The following XPNPEP1 variants were observed in gnomAD, a reference collection of about 807,000 sequenced individuals.
XPNPEP1 encodes xaa-Pro aminopeptidase 1.
In XPNPEP1, 39 loss-of-function variants were observed where a neutral mutation model predicts 92.4. The ratio of observed to expected loss-of-function variants is 0.42; its 90% CI spans 0.33 to 0.55. The LOEUF (loss-of-function observed/expected upper bound fraction) is 0.55. Among genes scored for constraint, XPNPEP1 ranks in the 20% least tolerant of loss-of-function variants. The pLI is 0.08. For synonymous variants in XPNPEP1, 307 were observed against 299.4 expected (o/e 1.03, Z -0.26); for missense variants, 654 against 856.1 (o/e 0.76, Z 2.95).
At chr10:109,911,267 T>C (rs1190775316) in intron 2 of XPNPEP1, among the ~76,000 whole-genome samples, 2 of 152,232 alleles carry the variant, frequency 1.3e-5, no homozygotes, top group African/African-American at 4.8e-5. Context: ...CTTCTGAATA[T>C]TGTTCAGAGG....
In XPNPEP1 at chr10:109,867,709, G is replaced by A. The variant is rs982952368; in HGVS notation, c.1872+905C>T. The stretch of plus-strand genomic sequence containing the variant: ...GAGAGGCACTCAAAGGCCATTGGCT[G>A]CCTCAGATAACAAAATATTCTTATT... On this transcript the variant is annotated intron_variant, in intron 20 of 20. Coordinates refer to ENST00000502935, the MANE Select transcript of XPNPEP1 (RefSeq NM_020383.4). The surrounding 1 kb of genome is among the most constrained non-coding windows in gnomAD (Gnocchi z 4.5). 3.3e-5 allele frequency among the ~76,000 whole-genome samples: 5 copies of A among 152,228 alleles called. No individual in the cohort carries two copies. The highest frequency in any genetic ancestry group is 1.2e-4 in the African/African-American group (5 of 41,456).
At chr10:109,886,127 G>A (rs553568246) in intron 8 of XPNPEP1, 119 bp downstream of exon 8, 5 of 965,188 alleles carry the variant, frequency 5.2e-6, no homozygotes, top group South Asian at 3.0e-5. Context: ...ATTTGGTGAC[G>A]TAGTCTTCTT....
At chr10:109,893,134 C>A in intron 3 of XPNPEP1, 59 bp from the exon 4 acceptor site, 2 of 1,518,390 alleles carry the variant, frequency 1.3e-6, no homozygotes, top group South Asian at 1.2e-5. Context: ...GACTGTTCTG[C>A]CTGCTTAGCC....
intron 1 of XPNPEP1, among the ~76,000 whole-genome samples, chr10:109,920,404 A>G (rs1159846659): frequency 2.0e-5 from 3 of 152,262 alleles, no homozygotes; most frequent in African/African-American, 7.2e-5. Flanking sequence ...TATAAATTTT[A>G]TAACATCTCT....
intron 5 of XPNPEP1, among the ~76,000 whole-genome samples, chr10:109,888,888 C>T (rs938258035): frequency 3.3e-5 from 5 of 152,206 alleles, no homozygotes; most frequent in Admixed American, 6.5e-5. Context: ...ATCACTGCCA[C>T]GTACACACAT....
intron 1 of XPNPEP1, among the ~76,000 whole-genome samples, chr10:109,920,290 G>T (rs1215886769): frequency 6.6e-6 from 1 of 152,170 alleles, no homozygotes; most frequent in Non-Finnish European, 1.5e-5. Flanking sequence ...GTTCTAAAAT[G>T]ATTGTGATGA....
intron 7 of XPNPEP1, among the ~76,000 whole-genome samples, chr10:109,886,585 A>G (rs1442894337): frequency 1.3e-5 from 2 of 152,224 alleles, no homozygotes; most frequent in Admixed American, 6.5e-5. Context: ...ATGCCTGTGT[A>G]ACATCTAGAT....
chr10:109,889,710 T>C (rs1034164710), intron 5 of XPNPEP1, among the ~76,000 whole-genome samples: 2 of 152,376 alleles, frequency 1.3e-5, no homozygotes, highest in African/African-American at 4.8e-5. Context: ...AATTAACATC[T>C]TGATAAAATA....
At chr10:109,870,575 T>C (rs1469550231) in intron 18 of XPNPEP1, among the ~76,000 whole-genome samples, 156 bp downstream of exon 18, 1 of 152,244 alleles carries the variant, frequency 6.6e-6, no homozygotes, top group Non-Finnish European at 1.5e-5. Flanking sequence ...TCATTTTTTC[T>C]AAAATGAACA....
chr10:109,918,915 GGA>G (rs1324754706), intron 1 of XPNPEP1, among the ~76,000 whole-genome samples: 1 of 124,952 alleles, frequency 8.0e-6, no homozygotes, highest in Non-Finnish European at 1.6e-5. Flanking sequence ...AAGGAAGGAA[GGA>G]GAGAGAGAAA....
intron 17 of XPNPEP1, among the ~76,000 whole-genome samples, chr10:109,871,432 G>A (rs1322622946): frequency 6.6e-6 from 1 of 152,210 alleles, no homozygotes; most frequent in Admixed American, 6.5e-5. Context: ...AATCCCGAAA[G>A]GAAGCACTGG....
At chr10:109,915,889 G>C (rs1850159749) in intron 1 of XPNPEP1, among the ~76,000 whole-genome samples, 1 of 152,086 alleles carries the variant, frequency 6.6e-6, no homozygotes, top group Non-Finnish European at 1.5e-5. Context: ...GGCACTTGAG[G>C]ATTTCTCTTT....
chr10:109,900,745 T>C (rs1044713952), intron 3 of XPNPEP1, among the ~76,000 whole-genome samples: 1 of 152,174 alleles, frequency 6.6e-6, no homozygotes, highest in Non-Finnish European at 1.5e-5. Context: ...CTGCTCCCTC[T>C]GATCATGTCA....
At chr10:109,877,528 A>G (rs550697) in intron 14 of XPNPEP1, 253,526 of 481,716 alleles carry the variant, frequency 0.53, 71,029 homozygotes, top group Non-Finnish European at 0.61. Context: ...TGCAGCTTCA[A>G]AAAGGAAAGA....
intron 1 of XPNPEP1, 164 bp downstream of exon 1, chr10:109,923,237 TC>T (rs1264514543): frequency 3.0e-5 from 30 of 984,832 alleles, no homozygotes; most frequent in Non-Finnish European, 3.6e-5. Flanking sequence ...ATGGACCCCT[TC>T]CCCCGGCTCC....
At chr10:109,908,869 T>A (rs1849702019) in intron 2 of XPNPEP1, among the ~76,000 whole-genome samples, 1 of 152,198 alleles carries the variant, frequency 6.6e-6, no homozygotes, top group African/African-American at 2.4e-5. Context: ...GAAAGTTCCG[T>A]CCACTAGGAG....
chr10:109,878,287 A>G lies in XPNPEP1; in HGVS notation c.1183-229T>C, dbSNP rs73357466. 8.2e-4 allele frequency: 418 copies of G among 510,030 alleles called. 2 individuals carry two copies. The highest frequency in any genetic ancestry group is 6.3e-3 in the African/African-American group (331 of 52,426). 31.6% of individuals were successfully genotyped at this position (510,030 alleles called of 1,614,324 possible). A position where few individuals can be genotyped will look rare whatever the true frequency, so the allele number is the denominator to read the frequency against. ...ATTTTTCACTCAACTATTGTGCTTCAGTATTTTATCCTAAAACCTCCCAAA... is the reference window on the plus strand; with the variant it reads ...ATTTTTCACTCAACTATTGTGCTTCGGTATTTTATCCTAAAACCTCCCAAA... On this transcript the variant is annotated intron_variant, in intron 12 of 20. Transcript: ENST00000502935.
chr10:109,890,696 G>C, intron 5 of XPNPEP1, among the ~76,000 whole-genome samples: 1 of 151,700 alleles, frequency 6.6e-6, no homozygotes, highest in East Asian at 1.9e-4. Context: ...TTTATGAAAT[G>C]ATTTTTGAGA....
At position 109,888,104 on chromosome 10, in the gene XPNPEP1, T is replaced by C. The variant is rs761379038; in HGVS notation, c.597A>G (p.Thr199=). 3 of 1,614,140 alleles carry C rather than the reference T, an allele frequency of 1.9e-6. No homozygotes were observed. The highest frequency in any genetic ancestry group is 2.5e-6 in the Non-Finnish European group (3 of 1,180,024). ...GCTTGCAAGGGCGCTCAGGACGGTC[T>C]GTCCAGATTTTGTCAACGAGGTTCT... The part of the protein sequence containing the change: ...VKENLVDKIW[T]DRPERPCKPL... The change falls in exon 7 of 21, where the codon ACA becomes ACG. Residue 199 remains threonine, a synonymous_variant. Coordinates refer to ENST00000502935, the MANE Select transcript of XPNPEP1 (RefSeq NM_020383.4).
Sources: gnomAD v4.1 joint callset for allele counts (sites outside exome capture counted in the v4.1 genomes callset) on GRCh38, gnomAD v4.1.1 for gene constraint, Gnocchi (gnomAD v3.1) non-coding constraint, MANE v1.5 for transcripts, NCBI Gene and HGNC (gene_info 2026-07-23, HGNC 2026-07-21) for gene names.